HDAC9: variants seen among roughly 807,000 people sequenced by gnomAD.
HDAC9 encodes MEF-2 interacting transcription repressor (MITR) protein.
A neutral mutation model predicts 139.4 loss-of-function variants in HDAC9; 41 were observed. The observed-to-expected ratio is 0.29, with a 90% CI of 0.23 to 0.38. The LOEUF (loss-of-function observed/expected upper bound fraction) is 0.38, where lower values mean the gene tolerates loss of function less well. HDAC9 is among the 10% of genes least tolerant of loss of function. The pLI, the probability that HDAC9 is intolerant of heterozygous loss-of-function variation, is 1.00. For missense variants in HDAC9, 1,147 were observed against 1,297.0 expected (o/e 0.88, Z 1.78); for synonymous variants, 517 against 476.2 (o/e 1.09, Z -1.12).
chr7:18,170,659 A>G (rs549291634), intron 2 of HDAC9, among the ~76,000 whole-genome samples: 22 of 152,262 alleles, frequency 1.4e-4, no homozygotes, highest in South Asian at 6.2e-4. Context: ...TCAGCTTTCT[A>G]CATATGGCTA....
chr7:18,644,074 G>A (rs1046231454), intron 8 of HDAC9, among the ~76,000 whole-genome samples: 1 of 152,008 alleles, frequency 6.6e-6, no homozygotes, highest in African/African-American at 2.4e-5. Flanking sequence ...AGCCTACTGT[G>A]GCATAGGACT....
At chr7:18,885,686 G>A (rs561613722) in intron 22 of HDAC9, among the ~76,000 whole-genome samples, 11 of 152,128 alleles carry the variant, frequency 7.2e-5, no homozygotes, top group African/African-American at 2.2e-4. Flanking sequence ...AAATATGTAC[G>A]CACTTTTTAA....
intron 17 of HDAC9, among the ~76,000 whole-genome samples, chr7:18,794,465 A>G (rs1792607318): frequency 6.6e-6 from 1 of 152,228 alleles, no homozygotes; most frequent in Non-Finnish European, 1.5e-5. Flanking sequence ...CTTTACTCTT[A>G]ACTCTTTAAA....
intron 2 of HDAC9, among the ~76,000 whole-genome samples, chr7:18,197,023 C>T (rs1319238075): frequency 6.6e-6 from 1 of 152,134 alleles, no homozygotes; most frequent in African/African-American, 2.4e-5. Context: ...GGATGGGCCT[C>T]ATGCAATTGG....
intron 1 of HDAC9, among the ~76,000 whole-genome samples, chr7:18,457,719 A>G (rs1309991719): frequency 6.6e-6 from 1 of 152,214 alleles, no homozygotes; most frequent in African/African-American, 2.4e-5. Flanking sequence ...GTTTTTTAAA[A>G]ATAGTTTACA....
intron 2 of HDAC9, chr7:18,578,266 A>G: frequency 5.8e-6 from 3 of 518,258 alleles, no homozygotes; most frequent in Admixed American, 3.9e-5. Flanking sequence ...TTTTCCACAC[A>G]ATGACATCGA....
At chr7:18,828,195 G>GA (rs1215903019) in intron 17 of HDAC9, among the ~76,000 whole-genome samples, 1 of 151,898 alleles carries the variant, frequency 6.6e-6, no homozygotes, top group Non-Finnish European at 1.5e-5. Flanking sequence ...TAAAAGTTTT[G>GA]AAAAAAAGTC....
chr7:18,303,425 T>TGTG lies in HDAC9; in HGVS notation c.-42+12910_-42+12911insGTG, dbSNP rs1554364291. Among the ~76,000 whole-genome samples the TGTG allele has an allele frequency of 8.7e-4, 60 of 69,182 alleles. 1 individual carries two copies. Among genetic ancestry groups the TGTG allele is most frequent in the African/African-American group, 2.3e-3 (27 of 11,840 alleles). The allele number at this position is 69,182 out of a possible 152,430, so 45.4% of individuals were successfully genotyped here. A position where few individuals can be genotyped will look rare whatever the true frequency, so the allele number is the denominator to read the frequency against. On this transcript the variant is annotated intron_variant, in intron 1 of 3. Transcript: ENST00000413509. ...TGTGTGTGTGTGTGTGTGTGTGTGT[T>TGTG]TTTAGTAGAGATGGGGTTTCACCGT...
At chr7:18,942,583 A>G (rs962034260) in intron 23 of HDAC9, among the ~76,000 whole-genome samples, 1 of 152,110 alleles carries the variant, frequency 6.6e-6, no homozygotes, top group African/African-American at 2.4e-5. Flanking sequence ...AGAAGCTTGT[A>G]GAAGAAAACA....
chr7:18,280,562 T>C (rs1186661222), intron 2 of HDAC9, among the ~76,000 whole-genome samples: 1 of 149,784 alleles, frequency 6.7e-6, no homozygotes, highest in Non-Finnish European at 1.5e-5. Context: ...CACTCCAGCC[T>C]GGGTGACAGA....
chr7:18,351,858 T>G (rs1348968622), intron 1 of HDAC9, among the ~76,000 whole-genome samples: 2 of 152,210 alleles, frequency 1.3e-5, no homozygotes, highest in Non-Finnish European at 2.9e-5. Flanking sequence ...TATTACAATT[T>G]TATCAAGAAA....
chr7:18,302,832 G>C (rs1015003226), intron 1 of HDAC9, among the ~76,000 whole-genome samples: 5 of 152,122 alleles, frequency 3.3e-5, no homozygotes, highest in African/African-American at 4.8e-5. Context: ...TAGGCACTTA[G>C]GATACTGACA....
At chr7:18,474,538 T>A (rs1265313463) in intron 1 of HDAC9, among the ~76,000 whole-genome samples, 3 of 152,196 alleles carry the variant, frequency 2.0e-5, no homozygotes, top group Non-Finnish European at 4.4e-5. Flanking sequence ...AACTATAGTT[T>A]TTTCCTTTGG....
At chr7:18,702,899 G>A (rs939185907) in intron 12 of HDAC9, among the ~76,000 whole-genome samples, 2 of 152,150 alleles carry the variant, frequency 1.3e-5, no homozygotes, top group Non-Finnish European at 2.9e-5. Context: ...GAGTAAAAAA[G>A]AGTTACATCT....
At position 18,945,774 on chromosome 7, in the gene HDAC9, C is replaced by T. The variant is rs1449182435; in HGVS notation, c.2938-8372C>T. On this transcript the variant is annotated intron_variant, in intron 23 of 25. Transcript: ENST00000686413. ...ATCCATTCAGCCAGGCACAGTGGCT[C>T]ATGCCTGTAATCCCAGCACTTTGGG... Among the ~76,000 whole-genome samples, 6 of 151,818 alleles carry T rather than the reference C, an allele frequency of 4.0e-5. No individual in the cohort carries two copies. In the South Asian group the frequency reaches 8.3e-4, roughly 21 times the overall value.
chr7:18,216,925 G>A (rs563078063), intron 2 of HDAC9, among the ~76,000 whole-genome samples: 1 of 152,268 alleles, frequency 6.6e-6, no homozygotes, highest in South Asian at 2.1e-4. Flanking sequence ...AAGGAGGACA[G>A]TAAAGTATCT....
intron 2 of HDAC9, among the ~76,000 whole-genome samples, chr7:18,261,554 G>C (rs544117388): frequency 1.3e-5 from 2 of 152,178 alleles, no homozygotes; most frequent in East Asian, 1.9e-4. Context: ...TAATGGGAAG[G>C]GTTCTTATCT....
intron 1 of HDAC9, among the ~76,000 whole-genome samples, chr7:18,447,906 A>C (rs1397019382): frequency 6.6e-6 from 1 of 152,168 alleles, no homozygotes; most frequent in Non-Finnish European, 1.5e-5. Context: ...GAGTGGCATG[A>C]TCTCTGCTCA....
At chr7:18,839,593 G>A (rs1180738143) in intron 21 of HDAC9, among the ~76,000 whole-genome samples, 2 of 152,212 alleles carry the variant, frequency 1.3e-5, no homozygotes, top group Non-Finnish European at 1.5e-5. Context: ...TGGGAGCATT[G>A]TCAAGCTCAG....
Sources: gnomAD v4.1 joint callset for allele counts (sites outside exome capture counted in the v4.1 genomes callset) on GRCh38, gnomAD v4.1.1 for gene constraint, MANE v1.5 for transcripts, NCBI Gene and HGNC (gene_info 2026-07-23, HGNC 2026-07-21) for gene names.